PLD1: variants seen among roughly 807,000 people sequenced by gnomAD.
PLD1 encodes the protein phospholipase D1, also known as choline phosphatase 1.
PLD1 carries 112 observed loss-of-function variants against 137.1 expected under a neutral mutation model. The ratio of observed to expected loss-of-function variants is 0.82; its 90% CI spans 0.70 to 0.96. The LOEUF is 0.96. Ranked by LOEUF, PLD1 falls within the 40% of genes least tolerant of loss-of-function variation. The pLI, the probability that PLD1 is intolerant of heterozygous loss-of-function variation, is 0.00. For synonymous variants in PLD1, 431 were observed against 454.7 expected (o/e 0.95, Z 0.66); for missense variants, 1,321 against 1,342.0 (o/e 0.98, Z 0.24).
chr3:171,788,093 G>C (rs997003626), intron 1 of PLD1, among the ~76,000 whole-genome samples: 1 of 151,658 alleles, frequency 6.6e-6, no homozygotes, highest in Admixed American at 6.6e-5. Flanking sequence ...TGTAATCCCA[G>C]CTGCTCCAGA....
At chr3:171,763,830 C>CTTTTTTTTTTTTTTTTTTTTTTTTTTTTT (rs71178234) in intron 1 of PLD1, among the ~76,000 whole-genome samples, 1 of 86,740 alleles carries the variant, frequency 1.2e-5, no homozygotes. Context: ...TTCTTTCTTT[C>CTTTTTTTTTTTTTTTTTTTTTTTTTTTTT]TTTTTTTTTT....
intron 23 of PLD1, among the ~76,000 whole-genome samples, chr3:171,634,041 C>A (rs1734902892): frequency 6.6e-6 from 1 of 152,126 alleles, no homozygotes; most frequent in African/African-American, 2.4e-5. Context: ...TATTTAAAAC[C>A]ACTACATATA....
chr3:171,687,788 G>A lies in PLD1; in HGVS notation c.1540-204C>T, dbSNP rs143023759. Among the ~76,000 whole-genome samples, 1,397 of 152,242 alleles carry A rather than the reference G, an allele frequency of 9.2e-3. 20 individuals are homozygous for A. Among genetic ancestry groups the A allele is most frequent in the African/African-American group, 0.032 (1,311 of 41,526 alleles). On this transcript the variant is annotated intron_variant, in intron 14 of 26. Transcript: ENST00000351298. ...CTACCAAAGGAATATGAGGAGTTCT[G>A]CTATGGTCTTTTTTCAGTAGGCCAA... is the stretch of plus-strand genomic sequence containing the variant.
chr3:171,752,038 A>T (rs557355128), intron 1 of PLD1, among the ~76,000 whole-genome samples: 1 of 152,166 alleles, frequency 6.6e-6, no homozygotes, highest in Non-Finnish European at 1.5e-5. Flanking sequence ...AAATTAGACA[A>T]CTGAAAATAT....
chr3:171,714,002 CT>C lies in PLD1; in HGVS notation c.801del (p.Asp268ThrfsTer11). On this transcript the variant is annotated frameshift_variant, in exon 9 of 27. Coordinates refer to ENST00000351298, the MANE Select transcript of PLD1 (RefSeq NM_002662.5). LOFTEE classifies it high-confidence loss of function. ...AGGACGAAGGCAATGGCACCGCTGT[CT>C]GGTTTCATATACAATAAAAAGGAAT... ...VKDSFLLYMKPDSGAIAFVLL... is the reference protein window; with the variant it reads ...VKDSFLLYMKXDSGAIAFVLL... The C allele has an allele frequency of 6.2e-7, 1 of 1,608,952 alleles. No homozygotes were observed. The highest frequency in any genetic ancestry group is 8.5e-7 in the Non-Finnish European group (1 of 1,175,314).
At chr3:171,764,980 AAGAAAGAAAGAAAGAAAGAAAGAAAG>A (rs1721864015) in intron 1 of PLD1, 1 of 143,158 alleles carries the variant, frequency 7.0e-6, no homozygotes, top group Non-Finnish European at 1.5e-5. Flanking sequence ...GAAAGAAAGA[AAGAAAGAAAGAAAGAAAGAAAGAAAG>A]AGAAAAAGAA....
At chr3:171,782,700 A>C (rs9968111) in intron 1 of PLD1, among the ~76,000 whole-genome samples, 124,121 of 152,060 alleles carry the variant, frequency 0.82, 51,143 homozygotes, top group Middle Eastern at 0.93. Flanking sequence ...AATGTGGGGT[A>C]AGGAATTGGA....
intron 1 of PLD1, among the ~76,000 whole-genome samples, chr3:171,803,810 G>A (rs763408600): frequency 6.6e-5 from 10 of 152,158 alleles, no homozygotes; most frequent in Non-Finnish European, 1.5e-4. Context: ...TGGGGAAGAC[G>A]TGCAATAGTT....
chr3:171,725,632 CATAGTATTATTTTAA>C (rs1233429417), intron 7 of PLD1, among the ~76,000 whole-genome samples: 1 of 152,180 alleles, frequency 6.6e-6, no homozygotes. Flanking sequence ...ACATATTTTA[CATAGTATTATTTTAA>C]AATAATCATC....
In PLD1 at chr3:171,788,589, C is replaced by T. The variant is rs561310283; in HGVS notation, c.-32+21810G>A. The T allele has an allele frequency of 2.6e-5, 4 of 151,900 alleles. No homozygotes were observed. In the East Asian group the frequency reaches 7.7e-4, roughly 29 times the overall value. The allele number at this position is 151,900 out of a possible 1,614,324, so 9.4% of individuals were successfully genotyped here. The stretch of plus-strand genomic sequence containing the variant: ...TATAACAACAAATAAAACAAGGTAA[C>T]AAACTTTTATTACACATTTGTTGAA... On this transcript the variant is annotated intron_variant, in intron 1 of 26. Coordinates refer to ENST00000351298, the MANE Select transcript of PLD1 (RefSeq NM_002662.5).
intron 25 of PLD1, among the ~76,000 whole-genome samples, chr3:171,607,206 A>G (rs1732283924): frequency 6.6e-6 from 1 of 152,206 alleles, no homozygotes; most frequent in African/African-American, 2.4e-5. Context: ...TTTTAAAAAA[A>G]GATTTAAGAG....
At chr3:171,633,277 A>G (rs1231839180) in intron 23 of PLD1, among the ~76,000 whole-genome samples, 1 of 152,246 alleles carries the variant, frequency 6.6e-6, no homozygotes, top group Non-Finnish European at 1.5e-5. Context: ...ATGAGGATAT[A>G]CTAGAGAAAC....
At chr3:171,609,549 CACACA>C (rs1560140727) in intron 25 of PLD1, among the ~76,000 whole-genome samples, 7 of 144,508 alleles carry the variant, frequency 4.8e-5, no homozygotes, top group African/African-American at 1.7e-4. Flanking sequence ...CACACACACA[CACACA>C]CCAGAGAAAA....
intron 1 of PLD1, among the ~76,000 whole-genome samples, chr3:171,803,658 G>A (rs545777863): frequency 6.6e-6 from 1 of 152,168 alleles, no homozygotes; most frequent in Non-Finnish European, 1.5e-5. Flanking sequence ...GCTTGGACCT[G>A]GGAGGCGGAA....
At chr3:171,624,291 T>C (rs548771806) in intron 23 of PLD1, among the ~76,000 whole-genome samples, 164 of 152,232 alleles carry the variant, frequency 1.1e-3, no homozygotes, top group Non-Finnish European at 1.9e-3. Flanking sequence ...CTCATAATTA[T>C]AGGAATGCAA....
intron 1 of PLD1, among the ~76,000 whole-genome samples, chr3:171,777,765 C>G (rs1722639647): frequency 6.6e-6 from 1 of 152,164 alleles, no homozygotes; most frequent in South Asian, 2.1e-4. Context: ...CCCATGTCCT[C>G]TACAAAGCAT....
chr3:171,697,494 G>A (rs59504717), intron 12 of PLD1, among the ~76,000 whole-genome samples: 34,681 of 151,484 alleles, frequency 0.23, 4,256 homozygotes, highest in Admixed American at 0.3. Flanking sequence ...GCCCTGCCCC[G>A]CACAGTACTG....
intron 1 of PLD1, among the ~76,000 whole-genome samples, chr3:171,808,815 ATTTTTTTTTTTT>A (rs60146546): frequency 1.4e-4 from 12 of 86,236 alleles, no homozygotes; most frequent in East Asian, 1.1e-3. Context: ...TTAGCATTCA[ATTTTTTTTTTTT>A]TTTTTTTTTT....
chr3:171,783,285 G>C (rs1416623943), intron 1 of PLD1, among the ~76,000 whole-genome samples: 2 of 152,086 alleles, frequency 1.3e-5, no homozygotes, highest in African/African-American at 4.8e-5. Flanking sequence ...TTCCAGGAAT[G>C]CTCCGTGGTT....
Sources: allele counts gnomAD v4.1 joint callset (sites outside exome capture counted in the v4.1 genomes callset), GRCh38; gene constraint gnomAD v4.1.1; transcripts MANE v1.5; gene names NCBI Gene and HGNC (gene_info 2026-07-23, HGNC 2026-07-21).